The following RRBP1 variants were observed in gnomAD, a reference collection of about 807,000 sequenced individuals.
RRBP1 encodes the protein ribosome-binding protein 1.
A neutral mutation model predicts 165.2 loss-of-function variants in RRBP1; 94 were observed. The observed-to-expected ratio is 0.57, with a 90% confidence interval of 0.48 to 0.68. RRBP1 has a LOEUF of 0.68. Ranked by LOEUF, RRBP1 falls within the 30% of genes least tolerant of loss-of-function variation. The pLI is 0.00. For missense variants in RRBP1, 1,676 were observed against 1,763.0 expected, an observed-to-expected ratio of 0.95 and a Z score of 0.88; for synonymous variants, 680 against 714.5, an observed-to-expected ratio of 0.95 and a Z score of 0.77.
rs768649588 is a variant in RRBP1, at chr20:17,615,524, C to T, written c.3957G>A (p.Gln1319=). The stretch of plus-strand genomic sequence containing the variant: ...CTTCTTGTAACCGACATGCCGAGGT[C>T]TGAGCCTTGCCGGAGAGGGAAGTGA... ...QKLTAEFEEA[Q]TSACRLQEEL... is the part of the protein sequence containing the mutation. The change falls in exon 23 of 25, where the codon CAG becomes CAA. Residue 1319 remains glutamine (Q), a synonymous_variant. Transcript: ENST00000377813. 1 of 1,604,836 alleles carries T rather than the reference C, an allele frequency of 6.2e-7. No individual in the cohort carries two copies. The highest frequency in any genetic ancestry group is 8.5e-7 in the Non-Finnish European group (1 of 1,177,038).
At chr20:17,664,114 A>G (rs2036821925) in intron 2 of RRBP1, among the ~76,000 whole-genome samples, 1 of 152,234 alleles carries the variant, frequency 6.6e-6, no homozygotes, top group African/African-American at 2.4e-5. Context: ...TAGAACAATT[A>G]TAACCATATG....
At chr20:17,654,810 A>G (rs1294474108) in intron 3 of RRBP1, among the ~76,000 whole-genome samples, 3 of 152,206 alleles carry the variant, frequency 2.0e-5, no homozygotes, top group African/African-American at 7.2e-5. Context: ...ATGAACCCAC[A>G]GGCAGAGGCC....
intron 19 of RRBP1, 58 bp from the exon 20 acceptor site, chr20:17,618,737 G>A (rs1316133142): frequency 7.6e-7 from 1 of 1,318,974 alleles, no homozygotes; most frequent in African/African-American, 1.4e-5. Context: ...GAGAAAACCA[G>A]TCCCCGTGAG....
chr20:17,665,988 C>A (rs1033543413), intron 2 of RRBP1, among the ~76,000 whole-genome samples: 2 of 152,134 alleles, frequency 1.3e-5, no homozygotes, highest in Non-Finnish European at 2.9e-5. Flanking sequence ...ATTTCTGTGC[C>A]ATTCAGTGGA....
intron 2 of RRBP1, among the ~76,000 whole-genome samples, chr20:17,667,554 C>T (rs549062493): frequency 5.3e-4 from 80 of 152,184 alleles, no homozygotes; most frequent in Non-Finnish European, 1.1e-3. Flanking sequence ...ACACATCTTC[C>T]TAACATCCAT....
chr20:17,650,126 G>A (rs1479202276), intron 3 of RRBP1, among the ~76,000 whole-genome samples: 1 of 151,774 alleles, frequency 6.6e-6, no homozygotes, highest in Non-Finnish European at 1.5e-5. Flanking sequence ...CTGTTTATTT[G>A]ACTTAGAGAC....
chr20:17,626,258 C>T (rs2036017376), intron 11 of RRBP1, among the ~76,000 whole-genome samples: 1 of 152,178 alleles, frequency 6.6e-6, no homozygotes, highest in African/African-American at 2.4e-5. Flanking sequence ...TAGTAATATG[C>T]TGTGTGGCCC....
intron 3 of RRBP1, among the ~76,000 whole-genome samples, chr20:17,652,341 T>G (rs1316933981): frequency 6.6e-6 from 1 of 152,190 alleles, no homozygotes; most frequent in African/African-American, 2.4e-5. Context: ...TACTTCTGAC[T>G]GATTTAGGTG....
chr20:17,635,651 T>C lies in RRBP1; in HGVS notation c.2351A>G (p.Gln784Arg). The change falls in exon 7 of 25, where the codon CAG becomes CGG. Residue 784 changes from glutamine (Q) to arginine (R), a missense_variant. By Grantham distance (43) the Gln-to-Arg change is conservative. Around this residue, in one of 5 missense-constraint regions of RRBP1, gnomAD observed 1,184 missense variants for 1,167.1 expected, o/e 1.01. Transcript: ENST00000377813. ...QQLQGKIRTL[Q>R]EQLENGPNTQ... ...GTTGGGGCCATTCTCCAGCTGCTCC[T>C]GAAGAGTCCGGATCTGGAAAGTCAC... 1 of 1,613,288 alleles carries C rather than the reference T, an allele frequency of 6.2e-7. No homozygotes were observed.
chr20:17,647,648 GGA>G (rs1461051732), intron 3 of RRBP1, among the ~76,000 whole-genome samples: 1 of 152,172 alleles, frequency 6.6e-6, no homozygotes, highest in African/African-American at 2.4e-5. Flanking sequence ...TGAGCTGGTG[GGA>G]GAGAGGCCCA....
chr20:17,655,307 C>T (rs910766354), intron 3 of RRBP1, among the ~76,000 whole-genome samples: 44 of 152,326 alleles, frequency 2.9e-4, no homozygotes, highest in African/African-American at 9.6e-4. Context: ...TGGGCCACAA[C>T]GCCCAGCTGC....
rs767805961 is a variant in RRBP1 at position 17,620,545 on chromosome 20, C to T, written c.3507+170G>A. On this transcript the variant is annotated intron_variant, in intron 17 of 24. Coordinates refer to ENST00000377813, the MANE Select transcript of RRBP1 (RefSeq NM_001365613.2). ...CTGGCAGTGTCTTCCTAGGCGGGGG[C>T]CTCCTGGAGGACGGACTGAGCTGTC... 9.9e-6 allele frequency: 8 copies of T among 807,910 alleles called. No homozygotes were observed. In the African/African-American group the frequency reaches 1.4e-4, roughly 14 times the overall value. The allele number at this position is 807,910 out of a possible 1,614,324, so 50.0% of individuals were successfully genotyped here.
At chr20:17,639,179 C>T (rs2036301414) in intron 5 of RRBP1, among the ~76,000 whole-genome samples, 1 of 152,230 alleles carries the variant, frequency 6.6e-6, no homozygotes, top group Non-Finnish European at 1.5e-5. Context: ...TGCCTGGACT[C>T]CTCAAACCCC....
chr20:17,627,034 T>C (rs1257412200), intron 11 of RRBP1, among the ~76,000 whole-genome samples: 37 of 152,204 alleles, frequency 2.4e-4, no homozygotes, highest in Non-Finnish European at 7.3e-5. Context: ...ACAGAACCTC[T>C]GACCAGTCAG....
intron 5 of RRBP1, among the ~76,000 whole-genome samples, chr20:17,641,182 T>C (rs2036349829): frequency 6.6e-6 from 1 of 152,268 alleles, no homozygotes; most frequent in Admixed American, 6.5e-5. Context: ...CCCTATGCCA[T>C]GGATCCCAAC....
In RRBP1 at chr20:17,660,432, A is replaced by G; in HGVS notation, c.76T>C (p.Phe26Leu). ...TTCATGGAGAAAGTCGACACCAGGA[A>G]GATGCCAATGGCAGAAACAACCATG... ...GFMVVSAIGI[F>L]LVSTFSMKET... is the part of the protein sequence containing the mutation. Residue 26 changes from phenylalanine (F) to leucine (L), a missense_variant, in exon 3 of 25, where the codon TTC (phenylalanine) becomes CTC (leucine). Physicochemically the swap from Phe to Leu is conservative, Grantham distance 22. Transcript: ENST00000377813. The G allele has an allele frequency of 6.2e-7, 1 of 1,614,186 alleles. No homozygotes were observed. The highest frequency in any genetic ancestry group is 8.5e-7 in the Non-Finnish European group (1 of 1,180,040).
intron 3 of RRBP1, among the ~76,000 whole-genome samples, chr20:17,644,342 CTTCTT>C (rs1347413854): frequency 7.1e-6 from 1 of 140,052 alleles, no homozygotes; most frequent in African/African-American, 3.3e-5. Context: ...CCCCTTCAAC[CTTCTT>C]TTCACTGAAA....
chr20:17,621,594 C>G, intron 15 of RRBP1, 47 bp from the exon 16 acceptor site: 1 of 1,589,268 alleles, frequency 6.3e-7, no homozygotes. Flanking sequence ...CACAAAGGTT[C>G]TTCTCTTGGC....
intron 16 of RRBP1, 96 bp from the exon 17 acceptor site, chr20:17,620,903 G>T: frequency 1.1e-6 from 1 of 870,424 alleles, no homozygotes; most frequent in Non-Finnish European, 1.8e-6. Context: ...GTGACCTGCC[G>T]TGCTCCGCCT....
Sources: gnomAD v4.1 joint callset for allele counts (sites outside exome capture counted in the v4.1 genomes callset) on GRCh38, gnomAD v4.1.1 for gene constraint, gnomAD v4.1.1 regional missense constraint, MANE v1.5 for transcripts, NCBI Gene and HGNC (gene_info 2026-07-23, HGNC 2026-07-21) for gene names.